Variants in GRIK1 observed in about 807,000 individuals in gnomAD.
GRIK1 encodes glutamate ionotropic receptor kainate type subunit 1.
In GRIK1, 69 loss-of-function variants were observed where a neutral mutation model predicts 105.7. The ratio of observed to expected loss-of-function variants is 0.65; its 90% CI spans 0.54 to 0.80. The LOEUF is 0.80. GRIK1 is among the 30% of genes least tolerant of loss of function. The pLI is 0.00. For synonymous variants in GRIK1, 438 were observed against 431.3 expected (o/e 1.02, Z -0.19); for missense variants, 1,109 against 1,167.3 (o/e 0.95, Z 0.73).
At chr21:29,651,066 C>G (rs902501295) in intron 6 of GRIK1, 52 bp downstream of exon 6, 11 of 1,367,582 alleles carry the variant, frequency 8.0e-6, no homozygotes, top group Middle Eastern at 2.0e-4. Flanking sequence ...AGATCTTAAC[C>G]CCGAAGGCAT....
intron 1 of GRIK1, among the ~76,000 whole-genome samples, chr21:29,898,606 A>T (rs571817832): frequency 2.0e-5 from 3 of 152,338 alleles, no homozygotes; most frequent in Admixed American, 2.0e-4. Context: ...ACCTAAAAAG[A>T]TAGCATACCT....
intron 1 of GRIK1, among the ~76,000 whole-genome samples, chr21:29,910,979 T>C (rs991776999): frequency 1.3e-5 from 2 of 152,084 alleles, no homozygotes; most frequent in African/African-American, 4.8e-5. Flanking sequence ...ATTATTTTGA[T>C]TATTATTTTA....
At chr21:29,724,615 T>C in intron 1 of GRIK1, among the ~76,000 whole-genome samples, 1 of 152,216 alleles carries the variant, frequency 6.6e-6, no homozygotes, top group East Asian at 1.9e-4. Context: ...TTTTAAAGAA[T>C]ACATTAAATT....
chr21:29,814,824 A>AT (rs1214657122), intron 1 of GRIK1, among the ~76,000 whole-genome samples: 1 of 152,146 alleles, frequency 6.6e-6, no homozygotes, highest in East Asian at 1.9e-4. Context: ...AAGTTTTCAA[A>AT]TTTTTTTATA....
intron 1 of GRIK1, among the ~76,000 whole-genome samples, chr21:29,739,276 A>C (rs1031487851): frequency 4.6e-5 from 7 of 152,186 alleles, no homozygotes; most frequent in Admixed American, 1.3e-4. Context: ...TCTGAATGTG[A>C]TGAGAAACAG....
intron 1 of GRIK1, among the ~76,000 whole-genome samples, chr21:29,832,073 C>T (rs1005508733): frequency 5.3e-5 from 8 of 152,166 alleles, no homozygotes; most frequent in Admixed American, 2.0e-4. Context: ...CAAAACCCAG[C>T]AAGGGAGTGG....
chr21:29,938,208 T>C (rs929027137), intron 1 of GRIK1, among the ~76,000 whole-genome samples: 1 of 152,214 alleles, frequency 6.6e-6, no homozygotes, highest in Admixed American at 6.5e-5. Flanking sequence ...TGCCAGTGTC[T>C]GGCACTGCTC....
chr21:29,899,240 T>G (rs457057), intron 1 of GRIK1, among the ~76,000 whole-genome samples: 33,645 of 152,128 alleles, frequency 0.22, 4,244 homozygotes, highest in African/African-American at 0.34. Flanking sequence ...TCAGGGCTTT[T>G]TGTTACTTTT....
chr21:29,676,297 G>A (rs1221632338), intron 3 of GRIK1, among the ~76,000 whole-genome samples: 2 of 152,198 alleles, frequency 1.3e-5, no homozygotes, highest in African/African-American at 4.8e-5. Flanking sequence ...ACTGGGGGAA[G>A]AACAAAGAAC....
rs1389714187 is a variant in GRIK1 at position 29,560,357 on chromosome 21, T to TTTTC, written c.2356+1263_2356+1266dup. ...TTTCTTTCTTTCTTTCTTTCTTTCT[T>TTTTC]TTTCTTTCTTCCTTCCTTCCTTCCT... On this transcript the variant is annotated intron_variant, in intron 15 of 17. Transcript: ENST00000327783. 1.0e-4 allele frequency among the ~76,000 whole-genome samples: 6 copies of TTTTC among 58,184 alleles called. 2 individuals carry two copies. Among genetic ancestry groups the TTTTC allele is most frequent in the South Asian group, 6.2e-4 (1 of 1,614 alleles). 38.2% of individuals were successfully genotyped at this position (58,184 alleles called of 152,430 possible). A position where few individuals can be genotyped will look rare whatever the true frequency, so the allele number is the denominator to read the frequency against.
Position 29,642,841 on chromosome 21 carries a change from C to A in GRIK1, c.1083G>T (p.Met361Ile). Residue 361 changes from methionine (M) to isoleucine (I), a missense_variant, in exon 7 of 18, where the codon ATG (methionine) becomes ATT (isoleucine). Met to Ile is a conservative substitution (Grantham distance 10). This residue lies in a region of GRIK1 where 612 missense variants were observed against 586.0 expected (regional missense o/e 1.04). Coordinates refer to ENST00000327783, the MANE Select transcript of GRIK1 (RefSeq NM_001330994.2). Reference protein sequence around the residue: ...HKPWRLGPRFMNLIKEARWDG... With the variant: ...HKPWRLGPRFINLIKEARWDG... ...CATCACTTGCCTCTTTGATCAGGTT[C>A]ATAAATCTGGGTCCGAGGCGCCATG... 6.2e-7 allele frequency: 1 copy of A among 1,614,124 alleles called. No homozygotes were observed. Among genetic ancestry groups the A allele is most frequent in the Non-Finnish European group, 8.5e-7 (1 of 1,179,990 alleles).
At chr21:29,819,184 A>T (rs1375061041) in intron 1 of GRIK1, among the ~76,000 whole-genome samples, 4 of 152,152 alleles carry the variant, frequency 2.6e-5, no homozygotes, top group Non-Finnish European at 5.9e-5. Context: ...CTATTTTCCA[A>T]GTAGGCATGG....
intron 1 of GRIK1, among the ~76,000 whole-genome samples, chr21:29,702,556 C>G (rs1412174985): frequency 3.9e-5 from 6 of 152,014 alleles, no homozygotes; most frequent in Non-Finnish European, 5.9e-5. Flanking sequence ...TATTAAAATA[C>G]AAAAATTAGC....
chr21:29,904,960 G>A (rs2070555912), intron 1 of GRIK1, among the ~76,000 whole-genome samples: 1 of 152,132 alleles, frequency 6.6e-6, no homozygotes, highest in African/African-American at 2.4e-5. Flanking sequence ...GAGTTCCAAA[G>A]GGTCACACCG....
intron 1 of GRIK1, among the ~76,000 whole-genome samples, chr21:29,914,128 G>T (rs149340131): frequency 6.6e-6 from 1 of 152,012 alleles, no homozygotes; most frequent in East Asian, 1.9e-4. Context: ...AGCATACCTG[G>T]CCTCTTATTT....
intron 1 of GRIK1, among the ~76,000 whole-genome samples, chr21:29,808,936 T>C (rs1455141551): frequency 6.6e-6 from 1 of 152,162 alleles, no homozygotes; most frequent in Non-Finnish European, 1.5e-5. Context: ...TCTCAGATGA[T>C]TGGCTAAGGA....
chr21:29,854,509 G>GA lies in GRIK1; in HGVS notation c.118+84873dup, dbSNP rs113457218. 1.1e-3 allele frequency among the ~76,000 whole-genome samples: 170 copies of GA among 150,846 alleles called. 1 individual carries two copies. In the South Asian group the frequency reaches 0.012, roughly 10 times the overall value. On this transcript the variant is annotated intron_variant, in intron 1 of 17. Coordinates refer to ENST00000327783, the MANE Select transcript of GRIK1 (RefSeq NM_001330994.2). ...AGAAATAGCCTGCCAAAAATAATGAGAAAAAAAAACAAGAAATTACTATGC... is the reference window on the plus strand; with the variant it reads ...AGAAATAGCCTGCCAAAAATAATGAGAAAAAAAAAACAAGAAATTACTATGC...
chr21:29,587,357 C>CA lies in GRIK1; in HGVS notation c.1793+8dup. 1 of 1,570,080 alleles carries CA rather than the reference C, an allele frequency of 6.4e-7. No individual in the cohort carries two copies. Among genetic ancestry groups the CA allele is most frequent in the Non-Finnish European group, 8.8e-7 (1 of 1,140,040 alleles). On this transcript the variant is annotated intron_variant, in intron 12 of 17. Transcript: ENST00000327783. ...CACCTCTTGTGAATTCAGTGATTCT[C>CA]AAACTTACCTTGCAATCACAAAGAG...
At chr21:29,834,417 C>A (rs1294991445) in intron 1 of GRIK1, among the ~76,000 whole-genome samples, 1 of 150,532 alleles carries the variant, frequency 6.6e-6, no homozygotes, top group East Asian at 1.9e-4. Context: ...GCACTATAAC[C>A]CATTACCACT....
Sources: allele counts gnomAD v4.1 joint callset (sites outside exome capture counted in the v4.1 genomes callset), GRCh38; gene constraint gnomAD v4.1.1; regional missense constraint gnomAD v4.1.1; transcripts MANE v1.5; gene names NCBI Gene and HGNC (gene_info 2026-07-23, HGNC 2026-07-21).